Variants in NOP9 observed in about 807,000 individuals in gnomAD.
NOP9 encodes the protein NOP9 nucleolar protein, also known as nucleolar protein 9.
In NOP9, 50 loss-of-function variants were observed where a neutral mutation model predicts 63.0. The observed-to-expected ratio is 0.79, with a 90% confidence interval of 0.63 to 1.00. The LOEUF is 1.00. NOP9 is among the 50% of genes least tolerant of loss of function. The probability of loss-of-function intolerance (pLI) is 0.00; values close to 1 mark genes in which losing one functional copy is unlikely to be tolerated. For missense variants in NOP9, 758 were observed against 803.0 expected (o/e 0.94, Z 0.68); for synonymous variants, 343 against 332.8 (o/e 1.03, Z -0.33).
At chr14:24,290,595 A>AT in the NOP9 span, 1 of 425,540 alleles carries the variant, frequency 2.3e-6, no homozygotes, top group Non-Finnish European at 4.3e-6. Context: ...AGTCAAAAAC[A>AT]CATTGAAAGA....
At position 24,302,447 on chromosome 14, in the gene NOP9, A is replaced by G. The variant is rs763527400; in HGVS notation, c.1143+23A>G. On this transcript the variant is annotated intron_variant, in intron 5 of 9. Transcript: ENST00000267425. ...CTGGTGAGTTGGAAACCTGAGCTGG[A>G]TCTGTTTCTGCTAATTCTTGATCAC... 70 of 1,591,608 alleles carry G rather than the reference A, an allele frequency of 4.4e-5. 2 individuals carry two copies. In the South Asian group the frequency reaches 7.4e-4, roughly 17 times the overall value.
At chr14:24,278,882 A>G in the NOP9 span, among the ~76,000 whole-genome samples, 1 of 152,162 alleles carries the variant, frequency 6.6e-6, no homozygotes, top group African/African-American at 2.4e-5. Context: ...CAGGATGGTG[A>G]GAAGAGCCCA....
rs369429042 is a variant in NOP9, at chr14:24,307,697, C to CT, written c.*2603dup. ...GTGGCTCAGGAGCTTGACAAGCCCA[C>CT]TGTGGAGTGGGGAGCAGGAGAGGAA... On this transcript the variant is annotated 3_prime_UTR_variant, in exon 10 of 10. Transcript: ENST00000267425. 1.8e-5 allele frequency: 23 copies of CT among 1,290,978 alleles called. No individual in the cohort carries two copies. The African/African-American group carries it at 2.5e-4, about 14-fold the overall frequency. 80.0% of individuals were successfully genotyped at this position (1,290,978 alleles called of 1,614,324 possible).
chr14:24,299,749 G>A (rs956162647), upstream of NOP9: 35 of 594,450 alleles, frequency 5.9e-5, no homozygotes, highest in Non-Finnish European at 8.8e-5. Flanking sequence ...CCAGGCCAAA[G>A]TTAGAACCTG....
At chr14:24,303,953 C>T in intron 7 of NOP9, 88 bp from the exon 8 acceptor site, 2 of 1,582,568 alleles carry the variant, frequency 1.3e-6, no homozygotes, top group South Asian at 1.1e-5. Flanking sequence ...GTGGTGACTT[C>T]ATCCAGGTGG....
At chr14:24,304,754 C>G (rs2041448326) in intron 9 of NOP9, among the ~76,000 whole-genome samples, 156 bp downstream of exon 9, 1 of 152,232 alleles carries the variant, frequency 6.6e-6, no homozygotes, top group Admixed American at 6.5e-5. Context: ...CCCTTCCCTC[C>G]CGCTGACTGA....
upstream of NOP9, chr14:24,299,201 AG>A: frequency 7.1e-7 from 1 of 1,417,298 alleles, no homozygotes; most frequent in Non-Finnish European, 9.5e-7. Flanking sequence ...GTTGGGGGGT[AG>A]GGGAGAACCT....
chr14:24,285,237 G>A, the NOP9 span, among the ~76,000 whole-genome samples: 2 of 152,178 alleles, frequency 1.3e-5, no homozygotes, highest in African/African-American at 4.8e-5. Flanking sequence ...ACTGGGGCTG[G>A]GCCAGGCCGC....
At chr14:24,291,863 G>A in the NOP9 span, 4 of 611,056 alleles carry the variant, frequency 6.5e-6, no homozygotes, top group African/African-American at 7.4e-5. Flanking sequence ...GGAAGGATCT[G>A]GTAGTGCCAA....
the NOP9 span, chr14:24,292,235 CA>C: frequency 6.2e-7 from 1 of 1,614,182 alleles, no homozygotes; most frequent in South Asian, 1.1e-5. Flanking sequence ...TATGCTCCTT[CA>C]GCAGTTCTGT....
In NOP9 at chr14:24,300,649, G is replaced by GGAA. The variant is rs2139115734; in HGVS notation, c.491_492insAGA (p.Glu169dup). ...GATTGCTGGGGAGTGCTGCAGAGGA[G>GGAA]GAGGAGGAGGAGGAGGAGGATGGAA... is the stretch of plus-strand genomic sequence containing the variant. On this transcript the variant is annotated inframe_insertion, in exon 2 of 10. Coordinates refer to ENST00000267425, the MANE Select transcript of NOP9 (RefSeq NM_174913.3). 1.3e-6 allele frequency: 2 copies of GGAA among 1,599,536 alleles called. No homozygotes were observed. The highest frequency in any genetic ancestry group is 1.1e-5 in the South Asian group (1 of 89,752).
At chr14:24,294,860 A>G (rs1259565327), upstream of NOP9, among the ~76,000 whole-genome samples, 1 of 152,232 alleles carries the variant, frequency 6.6e-6, no homozygotes, top group Non-Finnish European at 1.5e-5. Flanking sequence ...GGCTTATTAT[A>G]GTAACAAAGC....
chr14:24,291,335 GCT>G, the NOP9 span: 6 of 1,207,962 alleles, frequency 5.0e-6, no homozygotes, highest in South Asian at 6.2e-5. Flanking sequence ...TCCCTGGAGA[GCT>G]CTTTCTCTTG....
At chr14:24,272,247 C>T in the NOP9 span, among the ~76,000 whole-genome samples, 1 of 152,216 alleles carries the variant, frequency 6.6e-6, no homozygotes, top group Non-Finnish European at 1.5e-5. Context: ...ATATCTCCAG[C>T]CCAGATGTCT....
the NOP9 span, among the ~76,000 whole-genome samples, chr14:24,287,099 A>G: frequency 3.3e-5 from 5 of 151,946 alleles, no homozygotes; most frequent in African/African-American, 1.2e-4. Context: ...CATGTTGGCC[A>G]AGCTGGTCTT....
chr14:24,292,854 G>T, the NOP9 span: 1 of 1,527,152 alleles, frequency 6.5e-7, no homozygotes. Context: ...AGCCTCTGGC[G>T]GCTTCCCCTG....
rs879362255 is a variant in NOP9, at chr14:24,300,399, C to A, written c.248-9C>A. 6.2e-7 allele frequency: 1 copy of A among 1,606,562 alleles called. No homozygotes were observed. Among genetic ancestry groups the A allele is most frequent in the Admixed American group, 1.7e-5 (1 of 58,838 alleles). ...GTCTCTTCAAAGTGTGTCTTTCTTCCCTTTTCAGATCTGATGGTGCACAAT... is the reference window on the plus strand; with the variant it reads ...GTCTCTTCAAAGTGTGTCTTTCTTCACTTTTCAGATCTGATGGTGCACAAT... On this transcript the variant is annotated splice_polypyrimidine_tract_variant and intron_variant, in intron 1 of 9. Transcript: ENST00000267425.
the NOP9 span, chr14:24,292,158 G>A: frequency 6.2e-7 from 1 of 1,613,898 alleles, no homozygotes; most frequent in East Asian, 2.2e-5. Flanking sequence ...CCTGTTCTCT[G>A]CTTCCTTCGC....
the NOP9 span, among the ~76,000 whole-genome samples, chr14:24,290,236 C>T: frequency 6.6e-6 from 1 of 152,260 alleles, no homozygotes; most frequent in African/African-American, 2.4e-5. Flanking sequence ...TGGATTCAGG[C>T]AGTACCTTCT....
Sources: gnomAD v4.1 joint callset for allele counts (sites outside exome capture counted in the v4.1 genomes callset) on GRCh38, gnomAD v4.1.1 for gene constraint, MANE v1.5 for transcripts, NCBI Gene and HGNC (gene_info 2026-07-23, HGNC 2026-07-21) for gene names.